The following ARHGAP18 variants were observed in gnomAD, a reference collection of about 807,000 sequenced individuals.
ARHGAP18 encodes Rho GTPase activating protein 18, also known as rho GTPase-activating protein 18.
A neutral mutation model predicts 86.2 loss-of-function variants in ARHGAP18; 67 were observed. That is an observed-to-expected ratio of 0.78 (90% confidence interval 0.64 to 0.95). ARHGAP18 has a LOEUF of 0.95. ARHGAP18 is among the 40% of genes least tolerant of loss of function. ARHGAP18 has a pLI of 0.00. For missense variants in ARHGAP18, 691 were observed against 780.4 expected (o/e 0.89, Z 1.37); for synonymous variants, 283 against 280.4 (o/e 1.01, Z -0.09).
chr6:129,625,226 GAT>G lies in ARHGAP18; in HGVS notation c.786+4125_786+4126del, dbSNP rs1252304135. 1.7e-4 allele frequency among the ~76,000 whole-genome samples: 14 copies of G among 83,090 alleles called. 3 individuals carry two copies. In the South Asian group the frequency reaches 4.1e-3, roughly 24 times the overall value. 54.5% of individuals were successfully genotyped at this position (83,090 alleles called of 152,430 possible). On this transcript the variant is annotated intron_variant, in intron 5 of 14. Transcript: ENST00000368149. ...TTTATATGTAATATATATGATATATGATATATGATATATATTTATATGTAATA... is the reference window on the plus strand; with the variant it reads ...TTTATATGTAATATATATGATATATGATATGATATATATTTATATGTAATA...
At chr6:129,649,459 CAGG>C (rs1416302448) in intron 1 of ARHGAP18, among the ~76,000 whole-genome samples, 1 of 143,140 alleles carries the variant, frequency 7.0e-6, no homozygotes, top group Non-Finnish European at 1.5e-5. Context: ...GAGGCTGAGG[CAGG>C]AGAATTGCTG....
chr6:129,605,808 TG>T (rs1477312580), intron 10 of ARHGAP18, 68 bp downstream of exon 10: 1 of 1,381,556 alleles, frequency 7.2e-7, no homozygotes, highest in Non-Finnish European at 1.0e-6. Flanking sequence ...CTTATTGTTT[TG>T]CCACAAATAA....
intron 1 of ARHGAP18, 37 bp from the exon 2 acceptor site, chr6:129,642,055 C>T: frequency 4.4e-6 from 7 of 1,574,432 alleles, no homozygotes; most frequent in Non-Finnish European, 6.1e-6. Flanking sequence ...TATTTTAGTA[C>T]AAAAGGAAGC....
chr6:129,664,890 G>C (rs868827503), intron 1 of ARHGAP18, among the ~76,000 whole-genome samples: 32 of 152,274 alleles, frequency 2.1e-4, no homozygotes, highest in Middle Eastern at 3.4e-3. Context: ...TGGAAGAGAA[G>C]ACCTCTCTGA....
At chr6:129,618,897 C>A (rs370964035) in intron 5 of ARHGAP18, 45 bp from the exon 6 acceptor site, 42 of 1,545,516 alleles carry the variant, frequency 2.7e-5, no homozygotes, top group Middle Eastern at 1.7e-4. Context: ...CAGTACCTAA[C>A]CTCCATTGTA....
intron 1 of ARHGAP18, among the ~76,000 whole-genome samples, chr6:129,670,821 C>A (rs1045612705): frequency 3.3e-5 from 5 of 151,960 alleles, no homozygotes; most frequent in African/African-American, 1.2e-4. Flanking sequence ...CCCAGCTCCC[C>A]GTCAAGACCC....
intron 1 of ARHGAP18, among the ~76,000 whole-genome samples, chr6:129,687,245 TC>T (rs1774445375): frequency 6.6e-6 from 1 of 152,150 alleles, no homozygotes; most frequent in Admixed American, 6.6e-5. Context: ...CAACTCTAGT[TC>T]ACGGGTCTCA....
At chr6:129,640,125 A>C (rs1450550215) in intron 2 of ARHGAP18, among the ~76,000 whole-genome samples, 1 of 152,048 alleles carries the variant, frequency 6.6e-6, no homozygotes, top group Non-Finnish European at 1.5e-5. Flanking sequence ...TTGGTGTATA[A>C]AACCAGATTG....
At chr6:129,677,847 C>G (rs142986143) in intron 1 of ARHGAP18, among the ~76,000 whole-genome samples, 1 of 152,168 alleles carries the variant, frequency 6.6e-6, no homozygotes, top group African/African-American at 2.4e-5. Context: ...TGCACAGAAA[C>G]CTTTGCTCCC....
At chr6:129,641,731 T>A in intron 2 of ARHGAP18, 85 bp downstream of exon 2, 1 of 1,294,254 alleles carries the variant, frequency 7.7e-7, no homozygotes, top group South Asian at 1.5e-5. Flanking sequence ...AGCTTTAATT[T>A]TTTTTTTGTT....
Position 129,634,086 on chromosome 6 carries a change from G to A in ARHGAP18, c.572C>T (p.Ser191Leu), listed in dbSNP as rs368664665. ...SKETAPGGTE[S>L]QSLRTNENKY... ...GTTTTCATTTGTTCTAAGTGACTGC[G>A]ATTCAGTGCCACCTGGAGCCTAAAC... Residue 191 changes from serine to leucine, a missense_variant, in exon 4 of 15, where the codon TCG (serine) becomes TTG (leucine). Coordinates refer to ENST00000368149, the MANE Select transcript of ARHGAP18 (RefSeq NM_033515.3). 4.2e-5 allele frequency: 68 copies of A among 1,613,048 alleles called. No individual in the cohort carries two copies. The East Asian group carries it at 1.1e-3, about 26-fold the overall frequency.
intron 12 of ARHGAP18, among the ~76,000 whole-genome samples, chr6:129,592,438 C>G (rs1018905954): frequency 6.6e-5 from 10 of 152,192 alleles, no homozygotes; most frequent in African/African-American, 2.2e-4. Context: ...ACATCCATAG[C>G]CCTACACTTT....
intron 12 of ARHGAP18, among the ~76,000 whole-genome samples, chr6:129,597,497 T>C (rs1308547058): frequency 6.6e-6 from 1 of 152,096 alleles, no homozygotes; most frequent in Non-Finnish European, 1.5e-5. Flanking sequence ...TCAGCTTGAC[T>C]CCCCAGTGAA....
chr6:129,692,188 G>A (rs1210653391), intron 1 of ARHGAP18, among the ~76,000 whole-genome samples: 1 of 152,208 alleles, frequency 6.6e-6, no homozygotes, highest in African/African-American at 2.4e-5. Context: ...TGGGCAGCCT[G>A]GGCATTTCTG....
intron 4 of ARHGAP18, among the ~76,000 whole-genome samples, chr6:129,632,539 T>C (rs1584071508): frequency 6.6e-6 from 1 of 152,058 alleles, no homozygotes; most frequent in Admixed American, 6.6e-5. Flanking sequence ...ATATTGACAT[T>C]GGCACAAAAA....
intron 1 of ARHGAP18, among the ~76,000 whole-genome samples, chr6:129,645,730 C>G (rs149024587): frequency 7.9e-5 from 12 of 152,240 alleles, no homozygotes; most frequent in Non-Finnish European, 1.6e-4. Flanking sequence ...AAGTCACGCT[C>G]TTTCCAATAC....
At chr6:129,692,535 A>G (rs931860561) in intron 1 of ARHGAP18, among the ~76,000 whole-genome samples, 1 of 152,212 alleles carries the variant, frequency 6.6e-6, no homozygotes, top group African/African-American at 2.4e-5. Context: ...AGACAAAAAC[A>G]TACAGACATC....
At chr6:129,681,713 A>C (rs1774327489) in intron 1 of ARHGAP18, among the ~76,000 whole-genome samples, 1 of 152,264 alleles carries the variant, frequency 6.6e-6, no homozygotes, top group African/African-American at 2.4e-5. Context: ...ATAAATAGCA[A>C]ATCAAAATCC....
intron 5 of ARHGAP18, among the ~76,000 whole-genome samples, chr6:129,623,479 G>C (rs1442861952): frequency 6.6e-6 from 1 of 152,140 alleles, no homozygotes; most frequent in Admixed American, 6.5e-5. Context: ...TCCACGATGA[G>C]AGATCATAAA....
Sources: allele counts gnomAD v4.1 joint callset (sites outside exome capture counted in the v4.1 genomes callset), GRCh38; gene constraint gnomAD v4.1.1; transcripts MANE v1.5; gene names NCBI Gene and HGNC (gene_info 2026-07-23, HGNC 2026-07-21).